GTF2E2: variants seen among roughly 807,000 people sequenced by gnomAD.
GTF2E2 encodes transcription initiation factor IIE subunit beta.
In GTF2E2, 21 loss-of-function variants were observed where a neutral mutation model predicts 40.5. That is an observed-to-expected ratio of 0.52 (90% confidence interval 0.37 to 0.75). The LOEUF (loss-of-function observed/expected upper bound fraction) is 0.75, where lower values mean the gene tolerates loss of function less well. GTF2E2 is among the 30% of genes least tolerant of loss of function. The pLI, the probability that GTF2E2 is intolerant of heterozygous loss-of-function variation, is 0.00. For missense variants in GTF2E2, 298 were observed against 338.4 expected (o/e 0.88, Z 0.94); for synonymous variants, 117 against 121.6 (o/e 0.96, Z 0.25).
chr8:30,601,332 A>T (rs1829172719), intron 6 of GTF2E2, among the ~76,000 whole-genome samples: 1 of 152,234 alleles, frequency 6.6e-6, no homozygotes, highest in Non-Finnish European at 1.5e-5. Flanking sequence ...AGGAATCTGA[A>T]AACAGTGGGT....
At chr8:30,641,204 C>T (rs1020595495) in intron 2 of GTF2E2, among the ~76,000 whole-genome samples, 3 of 152,088 alleles carry the variant, frequency 2.0e-5, no homozygotes, top group African/African-American at 4.8e-5. Context: ...TTGAGCCGCT[C>T]GGTTATCAAT....
At chr8:30,652,999 A>C (rs1802333930) in intron 2 of GTF2E2, among the ~76,000 whole-genome samples, 1 of 152,232 alleles carries the variant, frequency 6.6e-6, no homozygotes, top group Non-Finnish European at 1.5e-5. Context: ...GGAAATATCC[A>C]GAAAAGGCAA....
At chr8:30,607,739 A>C (rs16877217) in intron 5 of GTF2E2, among the ~76,000 whole-genome samples, 29,920 of 152,198 alleles carry the variant, frequency 0.2, 3,190 homozygotes, top group Middle Eastern at 0.31. Flanking sequence ...ATTTGGGTCC[A>C]TGGGGCTCTT....
At chr8:30,655,652 C>T (rs1802427478) in intron 1 of GTF2E2, among the ~76,000 whole-genome samples, 1 of 152,110 alleles carries the variant, frequency 6.6e-6, no homozygotes, top group Non-Finnish European at 1.5e-5. Flanking sequence ...GAAGATAAAT[C>T]CTTGTCTACA....
At chr8:30,615,362 C>A (rs1200005065) in intron 3 of GTF2E2, among the ~76,000 whole-genome samples, 8 of 152,080 alleles carry the variant, frequency 5.3e-5, no homozygotes, top group Admixed American at 5.2e-4. Flanking sequence ...TAGGAAAAGA[C>A]ACTCAACTTT....
At chr8:30,595,233 T>TA (rs1828967347) in intron 6 of GTF2E2, among the ~76,000 whole-genome samples, 1 of 152,234 alleles carries the variant, frequency 6.6e-6, no homozygotes, top group Non-Finnish European at 1.5e-5. Context: ...ACTAGACCAA[T>TA]TATTGATCCC....
chr8:30,635,295 C>T (rs1448703769), intron 2 of GTF2E2, among the ~76,000 whole-genome samples, 172 bp from the exon 3 acceptor site: 1 of 151,896 alleles, frequency 6.6e-6, no homozygotes, highest in African/African-American at 2.4e-5. Flanking sequence ...CATTAAAGTA[C>T]CAATTTTCTC....
Position 30,589,341 on chromosome 8 carries a change from G to A in GTF2E2, c.644-8945C>T, listed in dbSNP as rs551450441. ...GGAGGCCAAGGTGGGAGGATCACTT[G>A]AAGCCAGAAGTTCAAGACCAGTCTG... On this transcript the variant is annotated intron_variant, in intron 6 of 7. Transcript: ENST00000355904. Among the ~76,000 whole-genome samples, 118 of 152,322 alleles carry A rather than the reference G, an allele frequency of 7.7e-4. 2 individuals carry two copies. The highest frequency in any genetic ancestry group is 3.4e-4 in the Non-Finnish European group (23 of 68,014).
chr8:30,582,305 T>C (rs1455195548), intron 6 of GTF2E2, among the ~76,000 whole-genome samples: 1 of 152,230 alleles, frequency 6.6e-6, no homozygotes, highest in African/African-American at 2.4e-5. Flanking sequence ...ATTACAGGTG[T>C]CGAGCCACCA....
At chr8:30,654,540 C>T (rs541223647) in intron 1 of GTF2E2, among the ~76,000 whole-genome samples, 2 of 152,084 alleles carry the variant, frequency 1.3e-5, no homozygotes, top group African/African-American at 2.4e-5. Flanking sequence ...CTAGCTAGTA[C>T]TACAGGTACA....
At chr8:30,623,774 G>A (rs1206052002) in intron 3 of GTF2E2, among the ~76,000 whole-genome samples, 3 of 152,024 alleles carry the variant, frequency 2.0e-5, no homozygotes, top group African/African-American at 4.8e-5. Flanking sequence ...CAGTGATGAT[G>A]AGCATTTTTT....
intron 6 of GTF2E2, among the ~76,000 whole-genome samples, chr8:30,595,986 G>T (rs62505281): frequency 6.6e-6 from 1 of 151,950 alleles, no homozygotes; most frequent in African/African-American, 2.4e-5. Context: ...ATTATCTTTC[G>T]GTCTGCATGG....
At chr8:30,588,505 A>G (rs1828747838) in intron 6 of GTF2E2, among the ~76,000 whole-genome samples, 1 of 152,218 alleles carries the variant, frequency 6.6e-6, no homozygotes, top group African/African-American at 2.4e-5. Context: ...CTCTACGTGG[A>G]ATCTAAAACA....
At chr8:30,626,234 C>G (rs1019031752) in intron 3 of GTF2E2, among the ~76,000 whole-genome samples, 5 of 152,186 alleles carry the variant, frequency 3.3e-5, no homozygotes, top group Admixed American at 6.5e-5. Context: ...CACCTGTAAT[C>G]CCACCACTTT....
intron 3 of GTF2E2, among the ~76,000 whole-genome samples, chr8:30,623,645 G>A (rs1393218636): frequency 6.6e-6 from 1 of 151,920 alleles, no homozygotes; most frequent in Non-Finnish European, 1.5e-5. Flanking sequence ...GTGTAAAAGT[G>A]TTCCTGTTTC....
intron 5 of GTF2E2, among the ~76,000 whole-genome samples, chr8:30,610,650 A>G (rs1829454053): frequency 6.6e-6 from 1 of 152,140 alleles, no homozygotes; most frequent in Non-Finnish European, 1.5e-5. Context: ...TATCCACATG[A>G]AAAGGAATAA....
Position 30,612,596 on chromosome 8 carries a change from A to C in GTF2E2, c.367-115T>G, listed in dbSNP as rs565261594. 1.4e-5 allele frequency: 7 copies of C among 507,840 alleles called. No individual in the cohort carries two copies. In the South Asian group the frequency reaches 2.2e-4, roughly 16 times the overall value. 31.5% of individuals were successfully genotyped at this position (507,840 alleles called of 1,614,324 possible). A position where few individuals can be genotyped will look rare whatever the true frequency, so the allele number is the denominator to read the frequency against. On this transcript the variant is annotated intron_variant, in intron 4 of 7. Transcript: ENST00000355904. ...GGCTGGAGTGCAGTGGCGTGATCTC[A>C]GCTCACTGCAACCTCCGCCTCCTGG...
At chr8:30,657,104 G>C (rs1802473195) in intron 1 of GTF2E2, 1 of 152,180 alleles carries the variant, frequency 6.6e-6, no homozygotes, top group Non-Finnish European at 1.5e-5. Flanking sequence ...AAGGCATCTA[G>C]AGCAGAAAGC....
chr8:30,644,942 GT>G (rs1474700741), intron 2 of GTF2E2, among the ~76,000 whole-genome samples: 2 of 151,638 alleles, frequency 1.3e-5, no homozygotes, highest in Non-Finnish European at 2.9e-5. Context: ...GTAGAGACGG[GT>G]TTCGCCATGT....
Sources: allele counts gnomAD v4.1 joint callset (sites outside exome capture counted in the v4.1 genomes callset), GRCh38; gene constraint gnomAD v4.1.1; transcripts MANE v1.5; gene names NCBI Gene and HGNC (gene_info 2026-07-23, HGNC 2026-07-21).